MAP4K4: variants seen among roughly 807,000 people sequenced by gnomAD.
MAP4K4 encodes the protein mitogen-activated protein kinase kinase kinase kinase 4.
A neutral mutation model predicts 189.6 loss-of-function variants in MAP4K4; 38 were observed. The ratio of observed to expected loss-of-function variants is 0.20; its 90% CI spans 0.15 to 0.26. The LOEUF (loss-of-function observed/expected upper bound fraction) is 0.26. MAP4K4 is among the 10% of genes least tolerant of loss of function. The probability of loss-of-function intolerance (pLI) is 1.00; values close to 1 mark genes in which losing one functional copy is unlikely to be tolerated. For synonymous variants in MAP4K4, 610 were observed against 624.3 expected (o/e 0.98, Z 0.34); for missense variants, 1,054 against 1,726.9 (o/e 0.61, Z 6.91).
intron 13 of MAP4K4, among the ~76,000 whole-genome samples, chr2:101,858,054 T>A (rs1321294618): frequency 6.6e-6 from 1 of 152,190 alleles, no homozygotes; most frequent in Non-Finnish European, 1.5e-5. Context: ...TCAAGGTTAT[T>A]TCATATCAAT....
intron 32 of MAP4K4, among the ~76,000 whole-genome samples, chr2:101,890,635 T>C (rs1268408265): frequency 6.6e-6 from 1 of 151,478 alleles, no homozygotes; most frequent in Admixed American, 6.6e-5. Flanking sequence ...TTTTGTGTTT[T>C]TAGTAGAGAT....
chr2:101,863,786 C>A, intron 16 of MAP4K4, 35 bp from the exon 17 acceptor site: 1 of 1,315,326 alleles, frequency 7.6e-7, no homozygotes, highest in Non-Finnish European at 1.0e-6. Flanking sequence ...TTATGCAGAA[C>A]GCATTGAATG....
intron 12 of MAP4K4, among the ~76,000 whole-genome samples, chr2:101,848,893 CTCT>C (rs2097192574): frequency 6.6e-6 from 1 of 151,924 alleles, no homozygotes. Flanking sequence ...TTTTTGTTTT[CTCT>C]TCTTGTTTTG....
At chr2:101,757,585 G>A (rs182403852) in intron 2 of MAP4K4, among the ~76,000 whole-genome samples, 4 of 152,202 alleles carry the variant, frequency 2.6e-5, no homozygotes, top group African/African-American at 7.2e-5. Context: ...CCTTATCCAC[G>A]GGGGATACAT....
intron 2 of MAP4K4, among the ~76,000 whole-genome samples, chr2:101,788,350 T>C (rs1460973766): frequency 6.6e-6 from 1 of 152,156 alleles, no homozygotes; most frequent in Non-Finnish European, 1.5e-5. Context: ...CTCTGCACTT[T>C]ATCTACCACC....
exon 31 of MAP4K4, chr2:101,887,840 T>G (rs1411910052): frequency 2.5e-6 from 4 of 1,613,220 alleles, no homozygotes; most frequent in Admixed American, 3.3e-5. Context: ...GAATGGAGCT[T>G]CTGGTGTGCT....
intron 5 of MAP4K4, 67 bp from the exon 6 acceptor site, chr2:101,829,437 G>C (rs1194073668): frequency 9.7e-6 from 10 of 1,026,142 alleles, no homozygotes; most frequent in South Asian, 1.4e-5. Context: ...TCTTATAAAA[G>C]GTGTGTTCCT....
chr2:101,736,901 A>G (rs954561225), intron 2 of MAP4K4, among the ~76,000 whole-genome samples: 1 of 152,200 alleles, frequency 6.6e-6, no homozygotes, highest in African/African-American at 2.4e-5. Flanking sequence ...TGGCAGCACA[A>G]GTGTTCATCA....
intron 18 of MAP4K4, 101 bp downstream of exon 18, chr2:101,865,137 G>A: frequency 1.5e-6 from 1 of 684,134 alleles, no homozygotes; most frequent in South Asian, 2.2e-5. Flanking sequence ...GACGTTCTGG[G>A]GCTAAGAGAT....
intron 3 of MAP4K4, among the ~76,000 whole-genome samples, chr2:101,803,019 C>T (rs2094515447): frequency 6.6e-6 from 1 of 152,210 alleles, no homozygotes; most frequent in Non-Finnish European, 1.5e-5. Context: ...CTACTGACCT[C>T]AGGTGATCCG....
chr2:101,883,606 A>G (rs1261853000), intron 28 of MAP4K4, among the ~76,000 whole-genome samples: 1 of 152,248 alleles, frequency 6.6e-6, no homozygotes, highest in Non-Finnish European at 1.5e-5. Flanking sequence ...TATAGGAAAG[A>G]TGTTATAGTC....
At chr2:101,707,826 G>T (rs1020852951) in intron 2 of MAP4K4, among the ~76,000 whole-genome samples, 3 of 151,420 alleles carry the variant, frequency 2.0e-5, no homozygotes, top group Non-Finnish European at 2.9e-5. Flanking sequence ...GGTTAGATGG[G>T]ACTATAGGTG....
Position 101,768,627 on chromosome 2 carries a change from G to GT in MAP4K4, c.124-22087dup, listed in dbSNP as rs537183840. Among the ~76,000 whole-genome samples, 372 of 152,234 alleles carry GT rather than the reference G, an allele frequency of 2.4e-3. 1 individual carries two copies. The highest frequency in any genetic ancestry group is 8.8e-3 in the African/African-American group (366 of 41,540). On this transcript the variant is annotated intron_variant, in intron 2 of 32. Coordinates refer to ENST00000324219, the Ensembl canonical transcript of MAP4K4. The stretch of plus-strand genomic sequence containing the variant: ...CCCCAAATAACAGTGTACACAGTGT[G>GT]TTTTTTCCCCTTAGTGGAGTGAGCA...
intron 2 of MAP4K4, among the ~76,000 whole-genome samples, chr2:101,714,549 C>T (rs2047403319): frequency 6.6e-6 from 1 of 152,138 alleles, no homozygotes; most frequent in African/African-American, 2.4e-5. Flanking sequence ...CTCCAAATAA[C>T]TATAAGCACC....
intron 27 of MAP4K4, among the ~76,000 whole-genome samples, chr2:101,877,676 A>G (rs1005553777): frequency 6.6e-6 from 1 of 151,256 alleles, no homozygotes; most frequent in East Asian, 1.9e-4. Context: ...ATTCTTTGCC[A>G]TTATTGTAAA....
chr2:101,881,885 A>G (rs1403749151), intron 27 of MAP4K4, among the ~76,000 whole-genome samples: 1 of 152,132 alleles, frequency 6.6e-6, no homozygotes. Flanking sequence ...GTTCCTTTAG[A>G]TGACTACACC....
chr2:101,756,749 T>G (rs757560380), intron 2 of MAP4K4, among the ~76,000 whole-genome samples: 4 of 143,054 alleles, frequency 2.8e-5, no homozygotes, highest in Non-Finnish European at 6.2e-5. Context: ...TTTTTTTTTG[T>G]AGAAACAGGG....
At chr2:101,829,359 C>T in intron 5 of MAP4K4, 145 bp from the exon 6 acceptor site, 1 of 589,154 alleles carries the variant, frequency 1.7e-6, no homozygotes, top group Non-Finnish European at 3.2e-6. Flanking sequence ...TGCTGTCTTC[C>T]TGGGAATGCA....
chr2:101,863,762 C>A, intron 16 of MAP4K4, 59 bp from the exon 17 acceptor site: 1 of 1,214,390 alleles, frequency 8.2e-7, no homozygotes, highest in Non-Finnish European at 1.1e-6. Flanking sequence ...TGGTATTGAC[C>A]AGAAAAGCCA....
Sources: allele counts gnomAD v4.1 joint callset (sites outside exome capture counted in the v4.1 genomes callset), GRCh38; gene constraint gnomAD v4.1.1; transcripts MANE v1.5; gene names NCBI Gene and HGNC (gene_info 2026-07-23, HGNC 2026-07-21).